Variants in GAA observed in about 807,000 individuals in gnomAD.
GAA encodes lysosomal alpha-glucosidase.
Under a neutral mutation model 103.9 loss-of-function variants are expected in GAA, and 88 were observed. The observed-to-expected ratio is 0.85, with a 90% CI of 0.71 to 1.01. The LOEUF is 1.01. Ranked by LOEUF, GAA falls within the 50% of genes least tolerant of loss-of-function variation. GAA has a pLI of 0.00. For missense variants in GAA, 1,350 were observed against 1,305.3 expected (o/e 1.03, Z -0.53); for synonymous variants, 572 against 563.1 (o/e 1.02, Z -0.22).
At chr17:80,109,913 A>G in intron 8 of GAA, 32 bp from the exon 9 acceptor site, 1 of 1,569,848 alleles carries the variant, frequency 6.4e-7, no homozygotes, top group African/African-American at 1.4e-5. Flanking sequence ...GCTCTGGGCC[A>G]CCCTCACCTT....
rs1387417291 is a variant in GAA, at chr17:80,113,348, C to A, written c.2171C>A (p.Ala724Asp). 6.3e-7 allele frequency: 1 copy of A among 1,585,628 alleles called. No individual in the cohort carries two copies. The highest frequency in any genetic ancestry group is 2.3e-5 in the East Asian group (1 of 43,572). Residue 724 changes from alanine to aspartate, a missense_variant, in exon 15 of 20, where the codon GCC becomes GAC. Coordinates refer to ENST00000302262, the MANE Select transcript of GAA (RefSeq NM_000152.5). ...GCCCACGTCGCGGGGGAGACCGTGG[C>A]CCGGCCCCTCTTCCTGGAGTGAGTG... ...HQAHVAGETV[A>D]RPLFLEFPKD...
Position 80,117,075 on chromosome 17 carries a change from A to C in GAA, c.2297A>C (p.Tyr766Ser), listed in dbSNP as rs144016984. ...LQAGKAEVTG[Y>S]FPLGTWYDLQ... is the part of the protein sequence containing the mutation. ...GCCGGGAAGGCCGAAGTGACTGGCT[A>C]CTTCCCCTTGGGCACATGGTACGAC... Residue 766 changes from tyrosine to serine, a missense_variant, in exon 16 of 20, where the codon TAC (tyrosine) becomes TCC (serine). Tyr to Ser is a moderately radical substitution (Grantham distance 144, BLOSUM62 -2). Coordinates refer to ENST00000302262, the MANE Select transcript of GAA (RefSeq NM_000152.5). 4 of 1,613,300 alleles carry C rather than the reference A, an allele frequency of 2.5e-6. No homozygotes were observed. The highest frequency in any genetic ancestry group is 2.2e-5 in the East Asian group (1 of 44,882).
chr17:80,103,994 G>T (rs1020095942), intron 1 of GAA, among the ~76,000 whole-genome samples: 19 of 152,156 alleles, frequency 1.2e-4, no homozygotes, highest in African/African-American at 4.6e-4. Context: ...CCAGCCAGGC[G>T]TGGTCACTCC....
chr17:80,112,742 A>C, intron 13 of GAA, 31 bp downstream of exon 13: 14 of 1,594,496 alleles, frequency 8.8e-6, no homozygotes, highest in Non-Finnish European at 1.2e-5. Flanking sequence ...GCTGCTCAGC[A>C]GAGTAGAGCC....
At chr17:80,117,892 A>C in intron 17 of GAA, 143 bp downstream of exon 17, 1 of 886,938 alleles carries the variant, frequency 1.1e-6, no homozygotes, top group Non-Finnish European at 1.7e-6. Flanking sequence ...GGAGCCAGCC[A>C]GGCCAGTGAG....
At chr17:80,109,855 C>T in intron 8 of GAA, 90 bp from the exon 9 acceptor site, 2 of 912,262 alleles carry the variant, frequency 2.2e-6, no homozygotes, top group Non-Finnish European at 3.6e-6. Flanking sequence ...ATGTCATCCC[C>T]AGCCTCATCC....
rs770448582 is a variant in GAA, at chr17:80,104,991, C to A, written c.405C>A (p.Ser135Arg). Residue 135 changes from serine (S) to arginine (R), a missense_variant, in exon 2 of 20, where the codon AGC (serine) becomes AGA (arginine). Coordinates refer to ENST00000302262, the MANE Select transcript of GAA (RefSeq NM_000152.5). This position sits in a 1 kb window ranked among gnomAD's most constrained non-coding sequence, Gnocchi z 4.0. ...PWCFFPPSYP[S>R]YKLENLSSSE... Reference sequence around the variant, plus strand: ...GCTTCTTCCCACCCAGCTACCCCAGCTACAAGCTGGAGAACCTGAGCTCCT... The same window carrying A: ...GCTTCTTCCCACCCAGCTACCCCAGATACAAGCTGGAGAACCTGAGCTCCT... 2 of 1,612,932 alleles carry A rather than the reference C, an allele frequency of 1.2e-6. No homozygotes were observed. Among genetic ancestry groups the A allele is most frequent in the South Asian group, 2.2e-5 (2 of 91,068 alleles).
At position 80,118,263 on chromosome 17, in the gene GAA, G is replaced by C. The variant is rs764943318; in HGVS notation, c.2552G>C (p.Gly851Ala). The change falls in exon 18 of 20, where the codon GGG (glycine) becomes GCG (alanine). Residue 851 changes from glycine (G) to alanine (A), a missense_variant. Physicochemically the swap from Gly to Ala is moderately conservative, Grantham distance 60. Transcript: ENST00000302262. ...CTGGCTGTGGCCCTGACCAAGGGTG[G>C]GGAGGCCCGAGGGGAGCTGTTCTGG... ...MALAVALTKG[G>A]EARGELFWDD... The C allele has an allele frequency of 1.9e-6, 3 of 1,611,060 alleles. No homozygotes were observed. Among genetic ancestry groups the C allele is most frequent in the Non-Finnish European group, 2.5e-6 (3 of 1,178,462 alleles).
At chr17:80,114,258 C>A (rs997353355) in intron 15 of GAA, among the ~76,000 whole-genome samples, 1 of 152,130 alleles carries the variant, frequency 6.6e-6, no homozygotes, top group Non-Finnish European at 1.5e-5. Context: ...AGGTAGAGAA[C>A]TCATACGTTG....
chr17:80,119,417 C>T lies in GAA; in HGVS notation c.*86C>T. The T allele has an allele frequency of 1.7e-6, 2 of 1,189,760 alleles. No homozygotes were observed. The highest frequency in any genetic ancestry group is 2.4e-5 in the South Asian group (2 of 82,090). The allele number at this position is 1,189,760 out of a possible 1,614,324, so 73.7% of individuals were successfully genotyped here. A position where few individuals can be genotyped will look rare whatever the true frequency, so the allele number is the denominator to read the frequency against. On this transcript the variant is annotated 3_prime_UTR_variant, in exon 20 of 20. Transcript: ENST00000302262. ...TGTGCGGGCAGCAGCTGTGTGCGGGCCTGGGGGTTGCATGTGTCACCTGGA... is the reference window on the plus strand; with the variant it reads ...TGTGCGGGCAGCAGCTGTGTGCGGGTCTGGGGGTTGCATGTGTCACCTGGA...
rs2039275341 is a variant in GAA, at chr17:80,112,898, G to A, written c.1911G>A (p.Leu637=). 1.2e-6 allele frequency: 2 copies of A among 1,610,194 alleles called. No individual in the cohort carries two copies. Among genetic ancestry groups the A allele is most frequent in the Admixed American group, 1.7e-5 (1 of 59,684 alleles). The change falls in exon 14 of 20, where the codon CTG becomes CTA. Residue 637 remains leucine (L), a synonymous_variant. Coordinates refer to ENST00000302262, the MANE Select transcript of GAA (RefSeq NM_000152.5). ...SVPEILQFNL[L]GVPLVGADVC... ...CAGAAATCCTGCAGTTTAACCTGCT[G>A]GGGGTGCCTCTGGTCGGGGCCGACG...
intron 19 of GAA, 116 bp downstream of exon 19, chr17:80,118,921 A>AAGACCCCCTT: frequency 7.6e-7 from 1 of 1,311,198 alleles, no homozygotes; most frequent in Non-Finnish European, 1.1e-6. Flanking sequence ...GGACCTCCCA[A>AAGACCCCCTT]GGGGGTCTTT....
rs550960099 is a variant in GAA, at chr17:80,112,856, G to T, written c.1889-20G>T. On this transcript the variant is annotated intron_variant, in intron 13 of 19. Coordinates refer to ENST00000302262, the MANE Select transcript of GAA (RefSeq NM_000152.5). ...CTCTGCTGCAGCAGCCTGAGGACCA[G>T]CCTGACTCTGCCCTCCCAGAAATCC... is the stretch of plus-strand genomic sequence containing the variant. 2 of 1,602,156 alleles carry T rather than the reference G, an allele frequency of 1.2e-6. No homozygotes were observed. Among genetic ancestry groups the T allele is most frequent in the Non-Finnish European group, 1.7e-6 (2 of 1,174,336 alleles).
At chr17:80,115,479 T>C (rs916235204) in intron 15 of GAA, among the ~76,000 whole-genome samples, 6 of 152,224 alleles carry the variant, frequency 3.9e-5, no homozygotes, top group African/African-American at 1.2e-4. Flanking sequence ...TCTCACACTT[T>C]CCTTTAGTTC....
At chr17:80,117,166 C>T in intron 16 of GAA, 57 bp downstream of exon 16, 3 of 1,570,738 alleles carry the variant, frequency 1.9e-6, no homozygotes, top group South Asian at 2.2e-5. Flanking sequence ...GCCCTCCCAC[C>T]TGCCCCCTCC....
Position 80,107,779 on chromosome 17 carries a change from G to A in GAA, c.859-21G>A, listed in dbSNP as rs185883087. The A allele has an allele frequency of 8.1e-4, 1,306 of 1,609,522 alleles. 10 individuals carry two copies. In the African/African-American group the frequency reaches 0.015, roughly 19 times the overall value. ...AGCTGGGGAGCGCAGGTGCTGAAGC[G>A]CCGTCTCCTGCATGTCCCAGCCCGG... On this transcript the variant is annotated intron_variant, in intron 4 of 19. Transcript: ENST00000302262.
intron 15 of GAA, among the ~76,000 whole-genome samples, chr17:80,113,808 C>T (rs941971802): frequency 5.7e-5 from 8 of 140,914 alleles, no homozygotes; most frequent in African/African-American, 2.0e-4. Flanking sequence ...CACCTGAGGT[C>T]AAGAGTTCGA....
rs910086265 is a variant in GAA at position 80,108,021 on chromosome 17, C to G, written c.955+125C>G. 4 of 1,075,786 alleles carry G rather than the reference C, an allele frequency of 3.7e-6. No individual in the cohort carries two copies. The African/African-American group carries it at 4.7e-5, about 13-fold the overall frequency. 66.6% of individuals were successfully genotyped at this position (1,075,786 alleles called of 1,614,324 possible). On this transcript the variant is annotated intron_variant, in intron 5 of 19. Transcript: ENST00000302262. Reference sequence around the variant, plus strand: ...GCCTTGTGTTTTCTGGGAAATGAGTCCTATGGGCTGATGCCTCTCCCAACT... The same window carrying G: ...GCCTTGTGTTTTCTGGGAAATGAGTGCTATGGGCTGATGCCTCTCCCAACT...
At position 80,119,552 on chromosome 17, in the gene GAA, G is replaced by A. The variant is rs564798219; in HGVS notation, c.*221G>A. ...GCTTTCTCCCTAGATCGCACTGTGGGCCGGGGCCCTGGAGGGCTGCTCTGT... is the reference window on the plus strand; with the variant it reads ...GCTTTCTCCCTAGATCGCACTGTGGACCGGGGCCCTGGAGGGCTGCTCTGT... On this transcript the variant is annotated 3_prime_UTR_variant, in exon 20 of 20. Transcript: ENST00000302262. 3.3e-5 allele frequency: 19 copies of A among 583,020 alleles called. No individual in the cohort carries two copies. The highest frequency in any genetic ancestry group is 4.7e-4 in the Middle Eastern group (1 of 2,116). 36.1% of individuals were successfully genotyped at this position (583,020 alleles called of 1,614,324 possible).
Sources: gnomAD v4.1 joint callset for allele counts (sites outside exome capture counted in the v4.1 genomes callset) on GRCh38, gnomAD v4.1.1 for gene constraint, Gnocchi (gnomAD v3.1) non-coding constraint, MANE v1.5 for transcripts, NCBI Gene and HGNC (gene_info 2026-07-23, HGNC 2026-07-21) for gene names.